Variants in GALNT2 observed in about 807,000 individuals in gnomAD.
The protein encoded by GALNT2 is UDP-GalNAc:polypeptide N-acetylgalactosaminyltransferase 2.
In GALNT2, 31 loss-of-function variants were observed where a neutral mutation model predicts 81.4. The ratio of observed to expected loss-of-function variants is 0.38; its 90% CI spans 0.29 to 0.51. GALNT2 has a LOEUF of 0.51. GALNT2 is among the 20% of genes least tolerant of loss of function. GALNT2 has a pLI of 0.87. For synonymous variants in GALNT2, 303 were observed against 287.4 expected (o/e 1.05, Z -0.55); for missense variants, 629 against 765.7 (o/e 0.82, Z 2.11).
intron 1 of GALNT2, among the ~76,000 whole-genome samples, chr1:230,112,404 A>G: frequency 6.7e-6 from 1 of 150,166 alleles, no homozygotes; most frequent in African/African-American, 2.5e-5. Context: ...CTGCATTTAG[A>G]GTGTGTGCGT....
At chr1:230,254,025 T>A (rs1665630814) in intron 10 of GALNT2, among the ~76,000 whole-genome samples, 1 of 152,222 alleles carries the variant, frequency 6.6e-6, no homozygotes, top group Non-Finnish European at 1.5e-5. Flanking sequence ...TTGTCCTGCC[T>A]CCCTAACATG....
At chr1:230,058,175 A>G (rs1441879595) in intron 1 of GALNT2, 8 of 452,658 alleles carry the variant, frequency 1.8e-5, no homozygotes, top group Non-Finnish European at 3.5e-5. Context: ...CACTCCTGAC[A>G]CTGGCCTCCT....
intron 1 of GALNT2, among the ~76,000 whole-genome samples, chr1:230,151,966 T>A (rs574057198): frequency 2.2e-4 from 33 of 152,328 alleles, no homozygotes; most frequent in African/African-American, 7.7e-4. Flanking sequence ...ATTTGTGAAT[T>A]ATCATGGTGC....
At chr1:230,206,976 C>G (rs1442855399) in intron 3 of GALNT2, among the ~76,000 whole-genome samples, 1 of 151,876 alleles carries the variant, frequency 6.6e-6, no homozygotes, top group Non-Finnish European at 1.5e-5. Flanking sequence ...CCCTGACCCC[C>G]ACTCCAAAAC....
chr1:230,121,279 C>T (rs74145447), intron 1 of GALNT2, among the ~76,000 whole-genome samples: 5,023 of 152,308 alleles, frequency 0.033, 289 homozygotes, highest in African/African-American at 0.11. Context: ...TTGTATGGGT[C>T]CCTGGACCAC....
At chr1:230,081,489 G>A (rs1034364703) in intron 1 of GALNT2, among the ~76,000 whole-genome samples, 11 of 12,722 alleles carry the variant, frequency 8.6e-4, no homozygotes, top group East Asian at 0.2. Context: ...TGAATATAGC[G>A]TGTTAATTTG....
At chr1:230,154,413 C>G (rs1004239659) in intron 1 of GALNT2, among the ~76,000 whole-genome samples, 2 of 152,150 alleles carry the variant, frequency 1.3e-5, no homozygotes. Flanking sequence ...TGTGCCAAAC[C>G]GGCACAGGTG....
intron 1 of GALNT2, among the ~76,000 whole-genome samples, chr1:230,089,317 T>TTG (rs1173058843): frequency 1.1e-4 from 17 of 151,656 alleles, no homozygotes; most frequent in Non-Finnish European, 2.9e-5. Flanking sequence ...CGGCTGTTTT[T>TTG]TGCGTGTGTG....
intron 1 of GALNT2, among the ~76,000 whole-genome samples, chr1:230,097,760 T>A (rs1424486809): frequency 6.6e-6 from 1 of 152,238 alleles, no homozygotes; most frequent in African/African-American, 2.4e-5. Context: ...CATTTATTCT[T>A]GATATCTCAG....
In GALNT2 at chr1:230,067,273, T is replaced by A; in HGVS notation, c.-8T>A. 1 of 1,330,580 alleles carries A rather than the reference T, an allele frequency of 7.5e-7. No individual in the cohort carries two copies. The highest frequency in any genetic ancestry group is 9.7e-7 in the Non-Finnish European group (1 of 1,028,336). 82.4% of individuals were successfully genotyped at this position (1,330,580 alleles called of 1,614,324 possible). ...AGCGGCGGCCCCGCCGGCGGCCGAG[T>A]TGGGAGAATGCGGCGGCGCTCGCGG... On this transcript the variant is annotated 5_prime_UTR_variant, in exon 1 of 16. The change creates a new upstream start codon in the 5' untranslated region. Coordinates refer to ENST00000366672, the MANE Select transcript of GALNT2 (RefSeq NM_004481.5).
At chr1:230,229,786 A>C (rs938931828) in intron 3 of GALNT2, among the ~76,000 whole-genome samples, 3 of 152,228 alleles carry the variant, frequency 2.0e-5, no homozygotes, top group African/African-American at 7.2e-5. Flanking sequence ...GAAAACACCA[A>C]GTCACAGCAC....
At chr1:230,247,342 A>G (rs1033916626) in intron 8 of GALNT2, among the ~76,000 whole-genome samples, 1 of 152,204 alleles carries the variant, frequency 6.6e-6, no homozygotes, top group African/African-American at 2.4e-5. Flanking sequence ...TGCCTCTTGC[A>G]GGCCCCGTCA....
chr1:230,265,742 C>T (rs541588044), intron 14 of GALNT2, among the ~76,000 whole-genome samples: 1 of 152,346 alleles, frequency 6.6e-6, no homozygotes, highest in African/African-American at 2.4e-5. Context: ...ATGTCTACAC[C>T]TCCTGCCTGG....
chr1:230,112,208 TG>T (rs1660724026), intron 1 of GALNT2, among the ~76,000 whole-genome samples: 1 of 93,868 alleles, frequency 1.1e-5, no homozygotes, highest in Non-Finnish European at 2.3e-5. Context: ...CCAGGACTCA[TG>T]TGTCTACCTG....
intron 8 of GALNT2, among the ~76,000 whole-genome samples, 169 bp downstream of exon 8, chr1:230,246,319 A>C (rs1341365186): frequency 2.6e-5 from 4 of 152,128 alleles, no homozygotes. Flanking sequence ...CATAAAGAGA[A>C]AAAAAAATAG....
rs1379184305 is a variant in GALNT2 at position 230,280,116 on chromosome 1, C to T, written c.*658C>T. 2 of 417,934 alleles carry T rather than the reference C, an allele frequency of 4.8e-6. No homozygotes were observed. The highest frequency in any genetic ancestry group is 2.5e-5 in the Admixed American group (1 of 39,372). 25.9% of individuals were successfully genotyped at this position (417,934 alleles called of 1,614,324 possible). A position where few individuals can be genotyped will look rare whatever the true frequency, so the allele number is the denominator to read the frequency against. On this transcript the variant is annotated 3_prime_UTR_variant, in exon 16 of 16. Coordinates refer to ENST00000366672, the MANE Select transcript of GALNT2 (RefSeq NM_004481.5). ...GTTCCCTATGGTTTCTGTAGATCAT[C>T]GTCATCTTGTATATTCCCCACAAAG...
chr1:230,082,011 T>C (rs1659747850), intron 1 of GALNT2, among the ~76,000 whole-genome samples: 1 of 152,248 alleles, frequency 6.6e-6, no homozygotes, highest in Non-Finnish European at 1.5e-5. Context: ...CTTCTGGGGC[T>C]GGTCTGGCTT....
chr1:230,144,052 G>A (rs145821367), intron 1 of GALNT2, among the ~76,000 whole-genome samples: 278 of 152,354 alleles, frequency 1.8e-3, no homozygotes, highest in Middle Eastern at 3.4e-3. Context: ...TACAAAAGCA[G>A]CACCTGCGAG....
At chr1:230,224,802 G>T (rs961825317) in intron 3 of GALNT2, among the ~76,000 whole-genome samples, 1 of 152,214 alleles carries the variant, frequency 6.6e-6, no homozygotes, top group Middle Eastern at 3.2e-3. Context: ...GACTTCAAAG[G>T]GAGTACAGTA....
Sources: gnomAD v4.1 joint callset for allele counts (sites outside exome capture counted in the v4.1 genomes callset) on GRCh38, gnomAD v4.1.1 for gene constraint, MANE v1.5 for transcripts, NCBI Gene and HGNC (gene_info 2026-07-23, HGNC 2026-07-21) for gene names.